Variants in CCBE1 observed in about 807,000 individuals in gnomAD.
CCBE1 encodes the protein collagen and calcium binding EGF domains 1.
CCBE1 carries 37 observed loss-of-function variants against 50.0 expected under a neutral mutation model. The observed-to-expected ratio is 0.74, with a 90% CI of 0.57 to 0.97. CCBE1 has a LOEUF of 0.97. Ranked by LOEUF, CCBE1 falls within the 50% of genes least tolerant of loss-of-function variation. The probability of loss-of-function intolerance (pLI) is 0.00; values close to 1 mark genes in which losing one functional copy is unlikely to be tolerated. For missense variants in CCBE1, 538 were observed against 523.8 expected (o/e 1.03, Z -0.26); for synonymous variants, 234 against 203.7 (o/e 1.15, Z -1.27).
chr18:59,460,599 G>A (rs183394378), intron 5 of CCBE1, among the ~76,000 whole-genome samples: 1 of 152,178 alleles, frequency 6.6e-6, no homozygotes, highest in African/African-American at 2.4e-5. Context: ...TGCTTAGAAG[G>A]TGTGGAGGCT....
intron 2 of CCBE1, among the ~76,000 whole-genome samples, chr18:59,544,835 C>G (rs898853778): frequency 6.6e-6 from 1 of 152,120 alleles, no homozygotes; most frequent in African/African-American, 2.4e-5. Flanking sequence ...ATACCTATTT[C>G]TATATTAGTG....
chr18:59,546,379 C>T (rs1430900121), intron 2 of CCBE1, among the ~76,000 whole-genome samples: 1 of 152,216 alleles, frequency 6.6e-6, no homozygotes, highest in Non-Finnish European at 1.5e-5. Context: ...CTGGGCTTGG[C>T]CATGTAACTT....
At chr18:59,578,217 C>T (rs1420135906) in intron 2 of CCBE1, among the ~76,000 whole-genome samples, 1 of 152,186 alleles carries the variant, frequency 6.6e-6, no homozygotes, top group African/African-American at 2.4e-5. Flanking sequence ...CATCACTGGT[C>T]ATTAGAGAGA....
intron 2 of CCBE1, among the ~76,000 whole-genome samples, chr18:59,671,877 T>C (rs2054437472): frequency 6.6e-6 from 1 of 150,870 alleles, no homozygotes; most frequent in Non-Finnish European, 1.5e-5. Flanking sequence ...GCTAGAAAAA[T>C]GCTGGCTCTA....
At chr18:59,679,882 C>G (rs1182263008) in intron 2 of CCBE1, among the ~76,000 whole-genome samples, 1 of 152,028 alleles carries the variant, frequency 6.6e-6, no homozygotes, top group Non-Finnish European at 1.5e-5. Flanking sequence ...GAGGCGGGGA[C>G]GGAGCTTCCA....
intron 2 of CCBE1, among the ~76,000 whole-genome samples, chr18:59,662,314 C>A (rs184480231): frequency 1.8e-4 from 28 of 152,254 alleles, no homozygotes; most frequent in East Asian, 1.2e-3. Flanking sequence ...CCTTGAATGA[C>A]CATGAAAGTT....
intron 2 of CCBE1, among the ~76,000 whole-genome samples, chr18:59,493,028 G>C (rs994358143): frequency 6.6e-6 from 1 of 152,226 alleles, no homozygotes; most frequent in African/African-American, 2.4e-5. Flanking sequence ...GCAGTTCACT[G>C]TATAAATGTG....
intron 2 of CCBE1, among the ~76,000 whole-genome samples, chr18:59,664,397 G>A (rs1201542674): frequency 6.6e-6 from 1 of 152,158 alleles, no homozygotes; most frequent in Non-Finnish European, 1.5e-5. Flanking sequence ...TGTGGCAACT[G>A]AGGATAAAGT....
chr18:59,515,332 T>C (rs1276226110), intron 2 of CCBE1, among the ~76,000 whole-genome samples: 1 of 152,240 alleles, frequency 6.6e-6, no homozygotes, highest in Non-Finnish European at 1.5e-5. Context: ...ATCTATTTAT[T>C]AAATGCCTAC....
intron 2 of CCBE1, among the ~76,000 whole-genome samples, chr18:59,656,895 A>G (rs2054198189): frequency 6.6e-6 from 1 of 152,190 alleles, no homozygotes; most frequent in Admixed American, 6.5e-5. Flanking sequence ...ATCTGCCATT[A>G]GCTAAGCCCA....
At chr18:59,534,436 C>A (rs919828335) in intron 2 of CCBE1, among the ~76,000 whole-genome samples, 6 of 152,180 alleles carry the variant, frequency 3.9e-5, no homozygotes, top group Admixed American at 2.0e-4. Flanking sequence ...TACACCTAAC[C>A]AGCCAGGCCT....
chr18:59,454,542 G>C (rs534515240), intron 6 of CCBE1, among the ~76,000 whole-genome samples: 1 of 152,138 alleles, frequency 6.6e-6, no homozygotes, highest in African/African-American at 2.4e-5. Flanking sequence ...CACCGCACCC[G>C]GCTGGAAATT....
chr18:59,543,447 A>T (rs1219709243), intron 2 of CCBE1, among the ~76,000 whole-genome samples: 2 of 152,260 alleles, frequency 1.3e-5, no homozygotes, highest in African/African-American at 2.4e-5. Context: ...TTATGTACAT[A>T]TGATTTTCAG....
In CCBE1 at chr18:59,696,631, G is replaced by A. The variant is rs774897303; in HGVS notation, c.210C>T (p.Tyr70=). Reference sequence around the variant, plus strand: ...GCCCGCAGAGCCCCCAGGCTTACCTGTAGCATGTGGTGAGCTCGCCTGAAG... The same window carrying A: ...GCCCGCAGAGCCCCCAGGCTTACCTATAGCATGTGGTGAGCTCGCCTGAAG... ...LKSSGELTTC[Y]RKKCCKGYKF... is the part of the protein sequence containing the mutation. Residue 70 remains tyrosine, a splice_region_variant and synonymous_variant, in exon 2 of 11, where the codon TAC becomes TAT. Coordinates refer to ENST00000439986, the MANE Select transcript of CCBE1 (RefSeq NM_133459.4). 3.7e-6 allele frequency: 6 copies of A among 1,613,980 alleles called. No homozygotes were observed. Among genetic ancestry groups the A allele is most frequent in the Non-Finnish European group, 5.1e-6 (6 of 1,179,940 alleles).
intron 2 of CCBE1, among the ~76,000 whole-genome samples, chr18:59,551,401 G>T (rs1915926002): frequency 6.6e-6 from 1 of 152,236 alleles, no homozygotes; most frequent in African/African-American, 2.4e-5. Context: ...AGTGAGGAAT[G>T]AATGTGAAGG....
chr18:59,629,470 T>C (rs1459274663), intron 2 of CCBE1, among the ~76,000 whole-genome samples: 2 of 152,206 alleles, frequency 1.3e-5, no homozygotes, highest in Non-Finnish European at 2.9e-5. Context: ...CTCTCTCCCT[T>C]TCTCCTTTAG....
At chr18:59,693,837 C>A (rs75227062) in intron 2 of CCBE1, among the ~76,000 whole-genome samples, 7 of 141,634 alleles carry the variant, frequency 4.9e-5, no homozygotes, top group African/African-American at 1.9e-4. Flanking sequence ...TTCCTACACA[C>A]GAGAATATTT....
At chr18:59,656,090 A>G (rs2054185602) in intron 2 of CCBE1, among the ~76,000 whole-genome samples, 1 of 152,222 alleles carries the variant, frequency 6.6e-6, no homozygotes, top group African/African-American at 2.4e-5. Flanking sequence ...TATCCTCAAT[A>G]TAACTTCTGC....
chr18:59,488,520 A>G (rs1912932984), intron 2 of CCBE1, among the ~76,000 whole-genome samples: 1 of 152,170 alleles, frequency 6.6e-6, no homozygotes, highest in Non-Finnish European at 1.5e-5. Context: ...GGCTAAGGTA[A>G]CAACCAGAAG....
Sources: gnomAD v4.1 joint callset for allele counts (sites outside exome capture counted in the v4.1 genomes callset) on GRCh38, gnomAD v4.1.1 for gene constraint, MANE v1.5 for transcripts, NCBI Gene and HGNC (gene_info 2026-07-23, HGNC 2026-07-21) for gene names.